The following ZNF234 variants were observed in gnomAD, a reference collection of about 807,000 sequenced individuals.
ZNF234 encodes C2-H2 type zinc finger protein.
A neutral mutation model predicts 10.3 loss-of-function variants in ZNF234; 4 were observed. That is an observed-to-expected ratio of 0.39 (90% CI 0.19 to 0.89). The LOEUF is 0.89. Among genes scored for constraint, ZNF234 ranks in the 40% least tolerant of loss-of-function variants. The pLI is 0.38. For synonymous variants in ZNF234, 258 were observed against 280.1 expected (o/e 0.92, Z 0.79); for missense variants, 711 against 836.1 (o/e 0.85, Z 1.85).
rs1038223183 is a variant in ZNF234 at position 44,156,965 on chromosome 19, A to T, written c.949A>T (p.Lys317Ter). 6.2e-7 allele frequency: 1 copy of T among 1,614,128 alleles called. No individual in the cohort carries two copies. Among genetic ancestry groups the T allele is most frequent in the Non-Finnish European group, 8.5e-7 (1 of 1,179,970 alleles). The change falls in exon 6 of 6, where the codon AAA becomes TAA. Residue 317 changes from lysine (K) to a stop codon, truncating the protein, a stop_gained. Coordinates refer to ENST00000426739, the MANE Select transcript of ZNF234 (RefSeq NM_006630.3). LOFTEE classifies it low-confidence loss of function (END_TRUNC). The part of the protein sequence containing the change: ...CMVHTGEKPY[K>*]CEDCGKCFTC... ...GGTCCACACAGGAGAGAAACCATAC[A>T]AATGTGAGGACTGTGGTAAGTGTTT...
intron 5 of ZNF234, among the ~76,000 whole-genome samples, chr19:44,153,483 T>C (rs1487208822): frequency 2.6e-5 from 4 of 152,132 alleles, no homozygotes; most frequent in Non-Finnish European, 4.4e-5. Flanking sequence ...TCCTGGTTCT[T>C]TTATTCTGAA....
rs1239858050 is a variant in ZNF234, at chr19:44,160,033, A to G, written c.*1914A>G. On this transcript the variant is annotated 3_prime_UTR_variant, in exon 6 of 6. Transcript: ENST00000426739. Reference sequence around the variant, plus strand: ...GGTGACAGAGCAAGACTCCGTCTCAAAAAAAAAAAAAAAAACTTCTGAGGT... The same window carrying G: ...GGTGACAGAGCAAGACTCCGTCTCAGAAAAAAAAAAAAAAACTTCTGAGGT... The G allele has an allele frequency of 2.0e-5, 3 of 148,296 alleles. No homozygotes were observed. Among genetic ancestry groups the G allele is most frequent in the Non-Finnish European group, 4.5e-5 (3 of 66,992 alleles). 9.2% of individuals were successfully genotyped at this position (148,296 alleles called of 1,614,324 possible).
At position 44,157,593 on chromosome 19, in the gene ZNF234, A is replaced by AGG; in HGVS notation, c.1577_1578insGG (p.His526GlnfsTer4). 1 of 1,613,638 alleles carries AGG rather than the reference A, an allele frequency of 6.2e-7. No individual in the cohort carries two copies. Among genetic ancestry groups the AGG allele is most frequent in the Non-Finnish European group, 8.5e-7 (1 of 1,179,896 alleles). ...GGGAAGGTCTTCAGTCAGGCCTCGC[A>AGG]TCTTCTAACCCATCAGAGAGTTCAC... On this transcript the variant is annotated frameshift_variant, in exon 6 of 6. Coordinates refer to ENST00000426739, the MANE Select transcript of ZNF234 (RefSeq NM_006630.3). LOFTEE classifies it low-confidence loss of function (END_TRUNC).
At chr19:44,151,864 C>T (rs1214099860) in intron 5 of ZNF234, among the ~76,000 whole-genome samples, 7 of 152,258 alleles carry the variant, frequency 4.6e-5, no homozygotes, top group African/African-American at 1.7e-4. Context: ...GTAGAATTGC[C>T]TTCTATTTTT....
At chr19:44,155,522 G>C (rs909614815) in intron 5 of ZNF234, among the ~76,000 whole-genome samples, 2 of 152,198 alleles carry the variant, frequency 1.3e-5, no homozygotes, top group African/African-American at 4.8e-5. Context: ...AGGAGGAAGA[G>C]GAGGGGTTGG....
intron 5 of ZNF234, among the ~76,000 whole-genome samples, chr19:44,153,688 G>T (rs1391430498): frequency 6.6e-6 from 1 of 151,996 alleles, no homozygotes; most frequent in Non-Finnish European, 1.5e-5. Flanking sequence ...CCTCACCCTG[G>T]ATATACCTGT....
chr19:44,155,327 T>G (rs1167925065), intron 5 of ZNF234, among the ~76,000 whole-genome samples: 1 of 152,198 alleles, frequency 6.6e-6, no homozygotes, highest in Non-Finnish European at 1.5e-5. Flanking sequence ...AATCCAAGTA[T>G]AACTTTTGAC....
In ZNF234 at chr19:44,157,154, G is replaced by A. The variant is rs1259121616; in HGVS notation, c.1138G>A (p.Gly380Ser). Reference sequence around the variant, plus strand: ...ATACGTATGTAAAGTGTGTGGTAAGGGTTTCATTTACAGTTCAAGTTTTCA... The same window carrying A: ...ATACGTATGTAAAGTGTGTGGTAAGAGTTTCATTTACAGTTCAAGTTTTCA... ...KPYVCKVCGK[G>S]FIYSSSFQAH... The change falls in exon 6 of 6, where the codon GGT (glycine) becomes AGT (serine). Residue 380 changes from glycine (G) to serine (S), a missense_variant. Coordinates refer to ENST00000426739, the MANE Select transcript of ZNF234 (RefSeq NM_006630.3). The A allele has an allele frequency of 6.2e-7, 1 of 1,613,986 alleles. No homozygotes were observed. Among genetic ancestry groups the A allele is most frequent in the African/African-American group, 1.3e-5 (1 of 74,986 alleles).
Position 44,157,547 on chromosome 19 carries a change from C to T in ZNF234, c.1531C>T (p.Pro511Ser), listed in dbSNP as rs1466074951. 2 of 1,614,020 alleles carry T rather than the reference C, an allele frequency of 1.2e-6. No homozygotes were observed. The highest frequency in any genetic ancestry group is 8.5e-7 in the Non-Finnish European group (1 of 1,180,048). The stretch of plus-strand genomic sequence containing the variant: ...TTGTAGGATCCACACAGGGGAGAAA[C>T]CATATAATTGTGAGGAGTGTGGGAA... ...IHCRIHTGEK[P>S]YNCEECGKVF... The change falls in exon 6 of 6, where the codon CCA becomes TCA. Residue 511 changes from proline (P) to serine (S), a missense_variant. Transcript: ENST00000426739.
At chr19:44,144,497 T>C in intron 2 of ZNF234, 60 bp from the exon 3 acceptor site, 6 of 628,430 alleles carry the variant, frequency 9.5e-6, no homozygotes, top group Non-Finnish European at 1.5e-5. Flanking sequence ...ACAGTACACA[T>C]CTGTGTTGGT....
At position 44,148,879 on chromosome 19, in the gene ZNF234, A is replaced by G; in HGVS notation, c.124A>G (p.Arg42Gly). The G allele has an allele frequency of 6.2e-7, 1 of 1,613,752 alleles. No individual in the cohort carries two copies. Among genetic ancestry groups the G allele is most frequent in the East Asian group, 2.2e-5 (1 of 44,860 alleles). Residue 42 changes from arginine (R) to glycine (G), a missense_variant, in exon 4 of 6, where the codon AGG (arginine) becomes GGG (glycine). Arg to Gly is a moderately radical substitution (Grantham distance 125). Transcript: ENST00000426739. ...LYQDVMLENF[R>G]NLLSVGHHPF... ...CCAAGATGTGATGCTGGAGAACTTC[A>G]GGAACCTGCTGTCAGTGGGTGAGGA...
chr19:44,150,973 A>C (rs1357138685), intron 5 of ZNF234, among the ~76,000 whole-genome samples: 1 of 151,480 alleles, frequency 6.6e-6, no homozygotes, highest in Non-Finnish European at 1.5e-5. Context: ...GGCAGGTTGC[A>C]GTGAGCCAAG....
Position 44,143,181 on chromosome 19 carries a change from G to A in ZNF234, c.-77+814G>A, listed in dbSNP as rs190297648. On this transcript the variant is annotated intron_variant, in intron 2 of 5. Coordinates refer to ENST00000426739, the MANE Select transcript of ZNF234 (RefSeq NM_006630.3). Reference sequence around the variant, plus strand: ...TAGTATAAGAGGGCAGGGCATGGTGGGTCATGCCTGAGTCCTGAGTTATGG... The same window carrying A: ...TAGTATAAGAGGGCAGGGCATGGTGAGTCATGCCTGAGTCCTGAGTTATGG... 6.6e-3 allele frequency among the ~76,000 whole-genome samples: 782 copies of A among 118,640 alleles called. 6 individuals carry two copies. Among genetic ancestry groups the A allele is most frequent in the African/African-American group, 0.043 (721 of 16,830 alleles). 77.8% of individuals were successfully genotyped at this position (118,640 alleles called of 152,430 possible).
intron 3 of ZNF234, among the ~76,000 whole-genome samples, chr19:44,147,650 C>T (rs887153427): frequency 6.6e-6 from 1 of 152,140 alleles, no homozygotes; most frequent in South Asian, 2.1e-4. Context: ...ATCAGGAGTT[C>T]GTGACCAGCC....
Position 44,158,044 on chromosome 19 carries a change from TG to T in ZNF234, c.2030del (p.Gly677ValfsTer26). Reference sequence around the variant, plus strand: ...TAAGTCATCACAAAATTCATGCTGCTGGTACATTTTATGAAAATGATGAGAA... The same window carrying T: ...TAAGTCATCACAAAATTCATGCTGCTGTACATTTTATGAAAATGATGAGAA... ...LVSHHKIHAA[G>X]TFYENDENSK... On this transcript the variant is annotated frameshift_variant, in exon 6 of 6. Transcript: ENST00000426739. LOFTEE classifies it low-confidence loss of function (END_TRUNC). 6.2e-7 allele frequency: 1 copy of T among 1,613,616 alleles called. No individual in the cohort carries two copies. The highest frequency in any genetic ancestry group is 8.5e-7 in the Non-Finnish European group (1 of 1,179,850).
Position 44,143,069 on chromosome 19 carries a change from A to G in ZNF234, c.-77+702A>G, listed in dbSNP as rs73934451. Among the ~76,000 whole-genome samples, 1,237 of 152,286 alleles carry G rather than the reference A, an allele frequency of 8.1e-3. 21 individuals carry two copies. Among genetic ancestry groups the G allele is most frequent in the African/African-American group, 0.029 (1,185 of 41,548 alleles). On this transcript the variant is annotated intron_variant, in intron 2 of 5. Transcript: ENST00000426739. ...GCTCATTCTTATTCTTCTCATTATT[A>G]TTTCTCCTATGACTATTTCCTGATT...
intron 3 of ZNF234, 121 bp downstream of exon 3, chr19:44,144,768 C>A: frequency 1.2e-6 from 1 of 837,340 alleles, no homozygotes. Context: ...ATCCTTCTGC[C>A]TTTTGAGTTG....
At position 44,157,228 on chromosome 19, in the gene ZNF234, G is replaced by A. The variant is rs1425215974; in HGVS notation, c.1212G>A (p.Glu404=). The change falls in exon 6 of 6, where the codon GAG becomes GAA. Residue 404 remains glutamate, a synonymous_variant. Coordinates refer to ENST00000426739, the MANE Select transcript of ZNF234 (RefSeq NM_006630.3). ...HTGEKPYKCN[E]CGKSFRMKIH... ...GAGAGAAGCCATACAAATGCAATGA[G>A]TGTGGGAAGAGCTTCAGAATGAAAA... 4 of 1,614,080 alleles carry A rather than the reference G, an allele frequency of 2.5e-6. No individual in the cohort carries two copies. Among genetic ancestry groups the A allele is most frequent in the Non-Finnish European group, 2.5e-6 (3 of 1,180,038 alleles).
chr19:44,155,478 AAAGAG>A (rs769923055), intron 5 of ZNF234, among the ~76,000 whole-genome samples: 1 of 152,250 alleles, frequency 6.6e-6, no homozygotes, highest in Non-Finnish European at 1.5e-5. Flanking sequence ...TTCTTACAAT[AAAGAG>A]AAGAGAAAAT....
Sources: allele counts gnomAD v4.1 joint callset (sites outside exome capture counted in the v4.1 genomes callset), GRCh38; gene constraint gnomAD v4.1.1; transcripts MANE v1.5; gene names NCBI Gene and HGNC (gene_info 2026-07-23, HGNC 2026-07-21).